Variants in SRBD1 observed in about 807,000 individuals in gnomAD.
The protein encoded by SRBD1 is S1 RNA-binding domain-containing protein 1.
Under a neutral mutation model 115.3 loss-of-function variants are expected in SRBD1, and 88 were observed. That is an observed-to-expected ratio of 0.76 (90% CI 0.64 to 0.91). SRBD1 has a LOEUF of 0.91. Ranked by LOEUF, SRBD1 falls within the 40% of genes least tolerant of loss-of-function variation. The pLI is 0.00. For missense variants in SRBD1, 1,385 were observed against 1,177.4 expected, an observed-to-expected ratio of 1.18 and a Z score of -2.58; for synonymous variants, 509 against 407.7, an observed-to-expected ratio of 1.25 and a Z score of -2.99.
rs1303919868 is a variant in SRBD1, at chr2:45,562,751, C to T, written c.1311G>A (p.Leu437=). Residue 437 remains leucine, a synonymous_variant, in exon 10 of 21, where the codon CTG becomes CTA. Coordinates refer to ENST00000263736, the MANE Select transcript of SRBD1 (RefSeq NM_018079.5). ...TCAAATTTTCTCCACGGTTAATTGC[C>T]AGAATCTGAGTGCAAACATAAGGCA... The part of the protein sequence containing the change: ...NIRNIHHHQI[L]AINRGENLKV... 4 of 1,604,274 alleles carry T rather than the reference C, an allele frequency of 2.5e-6. No individual in the cohort carries two copies. In the South Asian group the frequency reaches 4.5e-5, roughly 18 times the overall value.
intron 2 of SRBD1, among the ~76,000 whole-genome samples, 166 bp from the exon 3 acceptor site, chr2:45,602,249 C>T (rs1024578193): frequency 5.9e-5 from 9 of 152,280 alleles, no homozygotes; most frequent in South Asian, 4.1e-4. Context: ...ATTGAACCAA[C>T]AGAGTTGATG....
At chr2:45,580,654 T>A (rs1217101814) in intron 6 of SRBD1, among the ~76,000 whole-genome samples, 5 of 115,250 alleles carry the variant, frequency 4.3e-5, no homozygotes, top group African/African-American at 1.6e-4. Context: ...CCACCGCACC[T>A]GGCCGGTCAA....
At chr2:45,558,344 C>T (rs996473210) in intron 10 of SRBD1, among the ~76,000 whole-genome samples, 2 of 152,052 alleles carry the variant, frequency 1.3e-5, no homozygotes, top group Non-Finnish European at 2.9e-5. Flanking sequence ...TCCTTAGATA[C>T]GTTTTTATTT....
chr2:45,494,033 A>G (rs1226601476), intron 14 of SRBD1, among the ~76,000 whole-genome samples: 1 of 152,120 alleles, frequency 6.6e-6, no homozygotes, highest in African/African-American at 2.4e-5. Flanking sequence ...AAAAAATTAA[A>G]CTGCACTATT....
At chr2:45,421,664 T>C (rs1454144141) in intron 16 of SRBD1, among the ~76,000 whole-genome samples, 1 of 151,992 alleles carries the variant, frequency 6.6e-6, no homozygotes, top group Non-Finnish European at 1.5e-5. Context: ...CTAAAATTAA[T>C]GATCTGTGGG....
intron 16 of SRBD1, among the ~76,000 whole-genome samples, chr2:45,424,211 A>T (rs919725212): frequency 6.6e-5 from 10 of 152,118 alleles, no homozygotes; most frequent in African/African-American, 2.4e-4. Context: ...GACATACTGC[A>T]TTTAGTTGCC....
chr2:45,423,373 C>T (rs1004507889), intron 16 of SRBD1, among the ~76,000 whole-genome samples: 1 of 152,130 alleles, frequency 6.6e-6, no homozygotes, highest in African/African-American at 2.4e-5. Flanking sequence ...TGTAACTTCA[C>T]ATAAAATTAA....
chr2:45,512,688 G>C (rs140559460), intron 14 of SRBD1, among the ~76,000 whole-genome samples: 102 of 152,044 alleles, frequency 6.7e-4, no homozygotes, highest in African/African-American at 2.4e-3. Flanking sequence ...ATGCAACAAA[G>C]AGCTCACCAG....
chr2:45,516,333 A>G (rs1234365055), intron 14 of SRBD1, among the ~76,000 whole-genome samples: 4 of 152,188 alleles, frequency 2.6e-5, no homozygotes, highest in Admixed American at 6.5e-5. Flanking sequence ...TGTGTGCTTA[A>G]TGGTACCCCT....
chr2:45,511,618 T>C (rs1362431086), intron 14 of SRBD1, among the ~76,000 whole-genome samples: 1 of 152,104 alleles, frequency 6.6e-6, no homozygotes, highest in Non-Finnish European at 1.5e-5. Flanking sequence ...GCTACTAGAG[T>C]GATCAAAGTT....
chr2:45,605,051 T>C (rs1045377531), intron 2 of SRBD1, among the ~76,000 whole-genome samples: 3 of 152,344 alleles, frequency 2.0e-5, no homozygotes, highest in South Asian at 4.1e-4. Flanking sequence ...ACAATGTCAG[T>C]AGTGCAGAGG....
intron 16 of SRBD1, among the ~76,000 whole-genome samples, chr2:45,452,795 G>C (rs908020303): frequency 3.3e-5 from 5 of 151,784 alleles, no homozygotes; most frequent in Admixed American, 1.3e-4. Context: ...TTGTGGTGGG[G>C]GGGCGTAAGT....
intron 14 of SRBD1, among the ~76,000 whole-genome samples, chr2:45,511,431 T>C (rs747601092): frequency 3.3e-5 from 5 of 152,236 alleles, no homozygotes; most frequent in South Asian, 2.1e-4. Context: ...CATGTTCATC[T>C]ACCAGAAAGA....
intron 9 of SRBD1, among the ~76,000 whole-genome samples, chr2:45,563,005 G>T (rs1002736590): frequency 6.6e-6 from 1 of 152,132 alleles, no homozygotes; most frequent in African/African-American, 2.4e-5. Context: ...AGACTTTGAT[G>T]ATCTAAAAAT....
At chr2:45,462,326 C>T (rs139167269) in intron 16 of SRBD1, among the ~76,000 whole-genome samples, 177 of 152,200 alleles carry the variant, frequency 1.2e-3, no homozygotes, top group African/African-American at 4.1e-3. Flanking sequence ...CATAATCACA[C>T]CTCTGAGACT....
intron 10 of SRBD1, among the ~76,000 whole-genome samples, chr2:45,558,694 T>A (rs970820075): frequency 1.4e-5 from 2 of 144,410 alleles, no homozygotes; most frequent in African/African-American, 2.6e-5. Context: ...TATTTTTTTT[T>A]TTTTTTTTTT....
chr2:45,609,133 C>T (rs1187828205), intron 1 of SRBD1, among the ~76,000 whole-genome samples: 2 of 152,134 alleles, frequency 1.3e-5, no homozygotes, highest in African/African-American at 4.8e-5. Context: ...GCTTCATTGA[C>T]ATATAATTGA....
chr2:45,404,246 C>G (rs553540860), intron 19 of SRBD1, among the ~76,000 whole-genome samples: 2 of 151,960 alleles, frequency 1.3e-5, no homozygotes, highest in Non-Finnish European at 2.9e-5. Context: ...TGGGGAGAGA[C>G]GGGTTCAGAT....
At chr2:45,499,513 T>C (rs1469097718) in intron 14 of SRBD1, among the ~76,000 whole-genome samples, 1 of 152,166 alleles carries the variant, frequency 6.6e-6, no homozygotes, top group Non-Finnish European at 1.5e-5. Flanking sequence ...TGTAATCCCA[T>C]TTGTCTATTT....
Sources: allele counts gnomAD v4.1 joint callset (sites outside exome capture counted in the v4.1 genomes callset), GRCh38; gene constraint gnomAD v4.1.1; transcripts MANE v1.5; gene names NCBI Gene and HGNC (gene_info 2026-07-23, HGNC 2026-07-21).